NACC2: variants seen among roughly 807,000 people sequenced by gnomAD.
NACC2 encodes the protein NACC family member 2.
In NACC2, 8 loss-of-function variants were observed where a neutral mutation model predicts 25.1. That is an observed-to-expected ratio of 0.32 (90% CI 0.19 to 0.57). The LOEUF (loss-of-function observed/expected upper bound fraction) is 0.57. Among genes scored for constraint, NACC2 ranks in the 20% least tolerant of loss-of-function variants. NACC2 has a pLI of 0.89. For missense variants in NACC2, 644 were observed against 650.2 expected (o/e 0.99, Z 0.10); for synonymous variants, 435 against 294.7 (o/e 1.48, Z -4.88).
chr9:136,091,128 C>T (rs1830430321), intron 1 of NACC2, among the ~76,000 whole-genome samples: 2 of 152,344 alleles, frequency 1.3e-5, no homozygotes, highest in South Asian at 4.1e-4. Flanking sequence ...GCCTCTTGTT[C>T]TCCCGGGAGA....
intron 1 of NACC2, among the ~76,000 whole-genome samples, chr9:136,081,046 C>A (rs74690390): frequency 1.3e-5 from 2 of 152,118 alleles, no homozygotes; most frequent in Admixed American, 1.3e-4. Flanking sequence ...CAGAACCCCA[C>A]GGGCCCAGGG....
chr9:136,083,002 C>G (rs1015051823), intron 1 of NACC2, among the ~76,000 whole-genome samples: 3 of 152,234 alleles, frequency 2.0e-5, no homozygotes, highest in African/African-American at 7.2e-5. Context: ...GTCATAACTT[C>G]TGCCCCATTA....
At chr9:136,050,902 A>C (rs2131163207) in intron 1 of NACC2, among the ~76,000 whole-genome samples, 1 of 152,040 alleles carries the variant, frequency 6.6e-6, no homozygotes, top group South Asian at 2.1e-4. Flanking sequence ...GCAGGCCTGA[A>C]CCTGCCCCGG....
In NACC2 at chr9:136,093,087, G is replaced by A. The variant is rs150487549; in HGVS notation, c.-60+2102C>T. On this transcript the variant is annotated intron_variant, in intron 1 of 5. Transcript: ENST00000277554. Reference sequence around the variant, plus strand: ...CAGGTCAGAGGCACAGACCTCAGAGGAAGGGGCACAAGGTGGAACCTTGGG... The same window carrying A: ...CAGGTCAGAGGCACAGACCTCAGAGAAAGGGGCACAAGGTGGAACCTTGGG... Among the ~76,000 whole-genome samples, 166 of 152,284 alleles carry A rather than the reference G, an allele frequency of 1.1e-3. 6 individuals are homozygous for A. In the East Asian group the frequency reaches 0.025, roughly 23 times the overall value.
Position 136,022,780 on chromosome 9 carries a change from G to A in NACC2, c.887-6351C>T, listed in dbSNP as rs2131139771. ...AACGACTTCCACGCTGTACTTGGTG[G>A]GAGCACAGAGGCCACAATTATAAGG... On this transcript the variant is annotated intron_variant, in intron 2 of 5. Transcript: ENST00000277554. This position sits in a 1 kb window ranked among gnomAD's most constrained non-coding sequence, Gnocchi z 4.4. Among the ~76,000 whole-genome samples the A allele has an allele frequency of 6.6e-6, 1 of 152,082 alleles. No individual in the cohort carries two copies. Among genetic ancestry groups the A allele is most frequent in the African/African-American group, 2.4e-5 (1 of 41,486 alleles).
At chr9:136,045,522 G>A (rs1276853607) in intron 2 of NACC2, among the ~76,000 whole-genome samples, 1 of 152,240 alleles carries the variant, frequency 6.6e-6, no homozygotes, top group Non-Finnish European at 1.5e-5. Flanking sequence ...AGCCACTGCT[G>A]AGGGCATGAA....
intron 2 of NACC2, among the ~76,000 whole-genome samples, chr9:136,031,421 T>C (rs1840470830): frequency 6.6e-6 from 1 of 152,142 alleles, no homozygotes; most frequent in South Asian, 2.1e-4. Context: ...CACTGCAAAC[T>C]CTGCCTCCCG....
At chr9:136,026,711 T>C (rs1380354720) in intron 2 of NACC2, among the ~76,000 whole-genome samples, 1 of 152,202 alleles carries the variant, frequency 6.6e-6, no homozygotes, top group Admixed American at 6.5e-5. Context: ...ACATTCTAAC[T>C]CAGGATGAAT....
Position 136,011,431 on chromosome 9 carries a change from A to G in NACC2, c.*85T>C, listed in dbSNP as rs1840104074. Reference sequence around the variant, plus strand: ...AGGCAACAGTAGCAGTTCAGTAGGTAAGTGGCTTGATCACATTTGTTTGTA... The same window carrying G: ...AGGCAACAGTAGCAGTTCAGTAGGTGAGTGGCTTGATCACATTTGTTTGTA... On this transcript the variant is annotated 3_prime_UTR_variant, in exon 6 of 6. Coordinates refer to ENST00000277554, the MANE Select transcript of NACC2 (RefSeq NM_144653.5). 2.4e-6 allele frequency: 3 copies of G among 1,255,700 alleles called. No individual in the cohort carries two copies. The Admixed American group carries it at 9.3e-5, about 39-fold the overall frequency. The allele number at this position is 1,255,700 out of a possible 1,614,324, so 77.8% of individuals were successfully genotyped here. A position where few individuals can be genotyped will look rare whatever the true frequency, so the allele number is the denominator to read the frequency against.
intron 1 of NACC2, among the ~76,000 whole-genome samples, chr9:136,068,977 G>A (rs1287495274): frequency 6.6e-6 from 1 of 150,396 alleles, no homozygotes; most frequent in Non-Finnish European, 1.5e-5. Context: ...GAGTTTAATG[G>A]CACAATCTCG....
intron 1 of NACC2, among the ~76,000 whole-genome samples, chr9:136,057,922 C>CCATTAGAGACGGCGACTTCGCGG (rs1308021230): frequency 1.1e-4 from 16 of 152,188 alleles, no homozygotes; most frequent in Non-Finnish European, 1.6e-4. Context: ...GTCACCCAGC[C>CCATTAGAGACGGCGACTTCGCGG]CATTAGAGAC....
rs1035530728 is a variant in NACC2 at position 136,050,102 on chromosome 9, G to A, written c.420C>T (p.Ser140=). Residue 140 remains serine, a synonymous_variant, in exon 2 of 6, where the codon TCC becomes TCT. Transcript: ENST00000277554. The part of the protein sequence containing the change: ...SQTAVIEDAG[S]EPQSPCNQLQ... ...GCTGGTTGCAGGGGCTCTGGGGCTCGGAGCCGGCGTCCTCGATCACAGCGG... is the reference window on the plus strand; with the variant it reads ...GCTGGTTGCAGGGGCTCTGGGGCTCAGAGCCGGCGTCCTCGATCACAGCGG... The A allele has an allele frequency of 1.3e-6, 1 of 752,034 alleles. No individual in the cohort carries two copies. Among genetic ancestry groups the A allele is most frequent in the Non-Finnish European group, 2.4e-6 (1 of 408,576 alleles). 46.6% of individuals were successfully genotyped at this position (752,034 alleles called of 1,614,324 possible). A position where few individuals can be genotyped will look rare whatever the true frequency, so the allele number is the denominator to read the frequency against.
At chr9:136,024,914 G>A (rs984528185) in intron 2 of NACC2, among the ~76,000 whole-genome samples, 1 of 152,196 alleles carries the variant, frequency 6.6e-6, no homozygotes, top group Admixed American at 6.5e-5. Flanking sequence ...GAGCCTCGGG[G>A]CCCAGGATCC....
chr9:136,022,882 C>A lies in NACC2; in HGVS notation c.887-6453G>T, dbSNP rs188403322. ...GCCACGCCATAACTGGGAAGGCAAA[C>A]CATCACCAATTACCACGCCATGCCA... On this transcript the variant is annotated intron_variant, in intron 2 of 5. Transcript: ENST00000277554. This position sits in a 1 kb window ranked among gnomAD's most constrained non-coding sequence, Gnocchi z 4.4. Among the ~76,000 whole-genome samples the A allele has an allele frequency of 3.3e-3, 491 of 149,130 alleles. No homozygotes were observed. Among genetic ancestry groups the A allele is most frequent in the African/African-American group, 0.011 (455 of 39,940 alleles).
chr9:136,046,260 A>G (rs896544176), intron 2 of NACC2, among the ~76,000 whole-genome samples: 2 of 152,212 alleles, frequency 1.3e-5, no homozygotes, highest in African/African-American at 4.8e-5. Flanking sequence ...GGCCCCTGAC[A>G]ACGCCAGGCA....
intron 1 of NACC2, among the ~76,000 whole-genome samples, chr9:136,074,255 C>T (rs533543610): frequency 2.0e-5 from 3 of 149,104 alleles, no homozygotes; most frequent in Non-Finnish European, 3.0e-5. Context: ...TCCAGACCAT[C>T]CTGGCTAACA....
rs986381390 is a variant in NACC2 at position 136,070,949 on chromosome 9, G to T, written c.-59-20369C>A. 2.0e-5 allele frequency among the ~76,000 whole-genome samples: 3 copies of T among 151,856 alleles called. 1 individual carries two copies. The highest frequency in any genetic ancestry group is 7.3e-5 in the African/African-American group (3 of 41,102). On this transcript the variant is annotated intron_variant, in intron 1 of 5. Transcript: ENST00000277554. ...TGGAAATAGTAAGAACAATTTGACT[G>T]CTGGGTGCAGTGGCTCACACCTGTA...
chr9:136,016,870 G>A (rs973199903), intron 2 of NACC2, among the ~76,000 whole-genome samples: 3 of 152,114 alleles, frequency 2.0e-5, no homozygotes, highest in Admixed American at 1.3e-4. Flanking sequence ...GGCCAGCAGG[G>A]CAGCCACTTC....
In NACC2 at chr9:136,006,676, T is replaced by C. The variant is rs899307257; in HGVS notation, c.*4840A>G. ...GCACGCTTGAAGCCCTCGGTTTCCC[T>C]GTTCGCTTTTGAATGTTTCAGTTTT... On this transcript the variant is annotated 3_prime_UTR_variant, in exon 6 of 6. Coordinates refer to ENST00000277554, the MANE Select transcript of NACC2 (RefSeq NM_144653.5). The C allele has an allele frequency of 2.0e-5, 3 of 152,276 alleles. No individual in the cohort carries two copies. The highest frequency in any genetic ancestry group is 2.9e-5 in the Non-Finnish European group (2 of 68,056). 9.4% of individuals were successfully genotyped at this position (152,276 alleles called of 1,614,324 possible). A position where few individuals can be genotyped will look rare whatever the true frequency, so the allele number is the denominator to read the frequency against.
Sources: allele counts gnomAD v4.1 joint callset (sites outside exome capture counted in the v4.1 genomes callset), GRCh38; gene constraint gnomAD v4.1.1; non-coding constraint Gnocchi (gnomAD v3.1); transcripts MANE v1.5; gene names NCBI Gene and HGNC (gene_info 2026-07-23, HGNC 2026-07-21).